The following ARVCF variants were observed in gnomAD, a reference collection of about 807,000 sequenced individuals.
ARVCF encodes splicing regulator ARVCF.
ARVCF carries 66 observed loss-of-function variants against 90.9 expected under a neutral mutation model. The ratio of observed to expected loss-of-function variants is 0.73; its 90% confidence interval spans 0.60 to 0.89. The LOEUF is 0.89. ARVCF is among the 40% of genes least tolerant of loss of function. The pLI is 0.00. For synonymous variants in ARVCF, 653 were observed against 603.4 expected (o/e 1.08, Z -1.21); for missense variants, 1,469 against 1,382.3 (o/e 1.06, Z -1.00).
chr22:20,004,294 G>A (rs1432981918), intron 2 of ARVCF, among the ~76,000 whole-genome samples: 1 of 152,078 alleles, frequency 6.6e-6, no homozygotes, highest in African/African-American at 2.4e-5. Flanking sequence ...CGATACTACT[G>A]AAAGGGATCT....
At position 19,979,675 on chromosome 22, in the gene ARVCF, T is replaced by G; in HGVS notation, c.1396+68A>C. On this transcript the variant is annotated intron_variant, in intron 6 of 19. Transcript: ENST00000263207. ...GGCGGTCGCAGGCCGAGTGGCCTCG[T>G]TCCTCCCGGGTTGAGCCTCACACTC... 3.3e-6 allele frequency: 5 copies of G among 1,495,466 alleles called. No homozygotes were observed. The Admixed American group carries it at 6.2e-5, about 19-fold the overall frequency. 92.6% of individuals were successfully genotyped at this position (1,495,466 alleles called of 1,614,324 possible).
chr22:19,973,239 T>A lies in ARVCF; in HGVS notation c.2318A>T (p.Glu773Val). Reference protein sequence around the residue: ...APPRPGACLEEDTVVAVLNTI... With the variant: ...APPRPGACLEVDTVVAVLNTI... ...GTTGAGCACCGCCACCACGGTGTCT[T>A]CCTCCAGGCAGGCCCCCGGTCGCGG... Residue 773 changes from glutamate to valine, a missense_variant, in exon 14 of 20, where the codon GAA becomes GTA. By Grantham distance (121) the Glu-to-Val change is moderately radical. Transcript: ENST00000263207. 6.2e-7 allele frequency: 1 copy of A among 1,610,818 alleles called. No homozygotes were observed. The highest frequency in any genetic ancestry group is 8.5e-7 in the Non-Finnish European group (1 of 1,179,294).
chr22:19,982,983 CTG>C (rs1393398190), intron 3 of ARVCF, among the ~76,000 whole-genome samples: 3 of 152,236 alleles, frequency 2.0e-5, no homozygotes, highest in Non-Finnish European at 4.4e-5. Context: ...AGTGGGGAAA[CTG>C]AGGCTCAAAG....
chr22:19,979,636 CG>C, intron 6 of ARVCF, 106 bp downstream of exon 6: 1 of 1,441,410 alleles, frequency 6.9e-7, no homozygotes, highest in African/African-American at 1.4e-5. Flanking sequence ...TCCTGCCTAC[CG>C]GGTGCTTTCC....
chr22:20,007,732 C>A (rs1410082857), intron 2 of ARVCF, among the ~76,000 whole-genome samples: 1 of 152,228 alleles, frequency 6.6e-6, no homozygotes. Context: ...CCTTCTGCCA[C>A]CTCCTGGGGG....
chr22:19,980,342 A>C, intron 5 of ARVCF, 100 bp from the exon 6 acceptor site: 1 of 1,428,328 alleles, frequency 7.0e-7, no homozygotes, highest in Non-Finnish European at 9.1e-7. Flanking sequence ...AAACTCACCC[A>C]GCAGCGCTGG....
At chr22:19,996,619 G>C (rs1944262583) in intron 2 of ARVCF, among the ~76,000 whole-genome samples, 1 of 152,180 alleles carries the variant, frequency 6.6e-6, no homozygotes, top group African/African-American at 2.4e-5. Flanking sequence ...CAGCCCATTA[G>C]GTGCTCTCAT....
chr22:20,011,989 C>T (rs1601691203), intron 1 of ARVCF, among the ~76,000 whole-genome samples: 4 of 152,182 alleles, frequency 2.6e-5, no homozygotes, highest in African/African-American at 9.6e-5. Flanking sequence ...GCTATATACC[C>T]CATTTTACAC....
Position 20,004,306 on chromosome 22 carries a change from C to A in ARVCF, c.-19+6149G>T, listed in dbSNP as rs1601671243. On this transcript the variant is annotated intron_variant, in intron 2 of 19. Coordinates refer to ENST00000263207, the MANE Select transcript of ARVCF (RefSeq NM_001670.3). Reference sequence around the variant, plus strand: ...TGACGATACTACTGAAAGGGATCTACAGATTCAGTGCAATTCCTATTAAAA... The same window carrying A: ...TGACGATACTACTGAAAGGGATCTAAAGATTCAGTGCAATTCCTATTAAAA... Among the ~76,000 whole-genome samples the A allele has an allele frequency of 2.0e-5, 3 of 152,066 alleles. No individual in the cohort carries two copies. The South Asian group carries it at 6.2e-4, about 31-fold the overall frequency.
intron 15 of ARVCF, 42 bp downstream of exon 15, chr22:19,972,883 C>A (rs753636409): frequency 4.3e-6 from 7 of 1,613,688 alleles, no homozygotes; most frequent in South Asian, 1.1e-5. Context: ...GGGAATAAGG[C>A]AAAGTGAGCA....
Position 19,980,204 on chromosome 22 carries a change from G to A in ARVCF, c.935C>T (p.Ala312Val), listed in dbSNP as rs762956414. Residue 312 changes from alanine (A) to valine (V), a missense_variant, in exon 6 of 20, where the codon GCG (alanine) becomes GTG (valine). Coordinates refer to ENST00000263207, the MANE Select transcript of ARVCF (RefSeq NM_001670.3). Reference protein sequence around the residue: ...EDTADDGGELADERPAFPMVT... With the variant: ...EDTADDGGELVDERPAFPMVT... The stretch of plus-strand genomic sequence containing the variant: ...CATTGGGAACGCAGGCCGCTCGTCC[G>A]CCAGCTCGCCGCCATCATCTGCTGT... 14 of 1,544,348 alleles carry A rather than the reference G, an allele frequency of 9.1e-6. No individual in the cohort carries two copies. In the Admixed American group the frequency reaches 1.3e-4, roughly 15 times the overall value.
chr22:20,000,456 A>C (rs1020063358), intron 2 of ARVCF, among the ~76,000 whole-genome samples: 12 of 152,114 alleles, frequency 7.9e-5, no homozygotes, highest in African/African-American at 2.9e-4. Context: ...GGGCTGCACC[A>C]CCCCATCCAG....
Position 19,973,170 on chromosome 22 carries a change from G to A in ARVCF, c.2387C>T (p.Ser796Leu), listed in dbSNP as rs751843457. 6.2e-6 allele frequency: 10 copies of A among 1,610,376 alleles called. No individual in the cohort carries two copies. Among genetic ancestry groups the A allele is most frequent in the Admixed American group, 3.4e-5 (2 of 59,654 alleles). Residue 796 changes from serine to leucine, a missense_variant, in exon 14 of 20, where the codon TCG (serine) becomes TTG (leucine). By Grantham distance (145) the Ser-to-Leu change is moderately radical. Coordinates refer to ENST00000263207, the MANE Select transcript of ARVCF (RefSeq NM_001670.3). ...IVSDSLDNAR[S>L]LLQARGVPAL... is the part of the protein sequence containing the mutation. ...TGGCACCCCGCGTGCCTGCAGGAGC[G>A]AGCGCGCGTTATCCAGGCTGTCGGA...
Position 19,981,946 on chromosome 22 carries a change from C to T in ARVCF, c.356G>A (p.Arg119His), listed in dbSNP as rs181094016. ...GCCTGGCCATACCTTGGTCTCGGTG[C>T]GCCGGGTTGTGCCATCTTCGGATGT... Reference protein sequence around the residue: ...IVTSEDGTTRRTETKVTKTVK... With the variant: ...IVTSEDGTTRHTETKVTKTVK... Residue 119 changes from arginine (R) to histidine (H), a missense_variant, in exon 4 of 20, where the codon CGC becomes CAC. Transcript: ENST00000263207. 3.4e-5 allele frequency: 54 copies of T among 1,597,776 alleles called. 1 individual carries two copies. The South Asian group carries it at 3.4e-4, about 10-fold the overall frequency.
intron 3 of ARVCF, among the ~76,000 whole-genome samples, chr22:19,984,853 A>G (rs1374636378): frequency 6.6e-6 from 1 of 152,198 alleles, no homozygotes; most frequent in Non-Finnish European, 1.5e-5. Context: ...CCACTCTGGG[A>G]GTCTCAGAGC....
Position 19,976,728 on chromosome 22 carries a change from G to A in ARVCF, c.1871-5C>T, listed in dbSNP as rs1405700596. Reference sequence around the variant, plus strand: ...CACCTTGGTGGAACCACTCCTCTGGGAGGCCGGAGGAAGCAGAGGAGAGAG... The same window carrying A: ...CACCTTGGTGGAACCACTCCTCTGGAAGGCCGGAGGAAGCAGAGGAGAGAG... On this transcript the variant is annotated splice_region_variant and splice_polypyrimidine_tract_variant and intron_variant, in intron 9 of 19. Transcript: ENST00000263207. The A allele has an allele frequency of 2.6e-6, 4 of 1,560,344 alleles. No individual in the cohort carries two copies. The South Asian group carries it at 3.5e-5, about 14-fold the overall frequency.
At chr22:19,977,861 C>A (rs1943248637) in intron 8 of ARVCF, 97 bp downstream of exon 8, 2 of 1,374,114 alleles carry the variant, frequency 1.5e-6, no homozygotes, top group East Asian at 2.4e-5. Context: ...GACCCACAAG[C>A]CCATTCCCCT....
Position 19,978,920 on chromosome 22 carries a change from G to A in ARVCF, c.1557C>T (p.Phe519=), listed in dbSNP as rs766259953. The part of the protein sequence containing the change: ...KPRDAEWTTV[F]KNTSGCLRNV... ...ACCTCAGGCAGCCCGACGTGTTCTTGAAGACAGTTGTCCACTCGGCGTCCC... is the reference window on the plus strand; with the variant it reads ...ACCTCAGGCAGCCCGACGTGTTCTTAAAGACAGTTGTCCACTCGGCGTCCC... Residue 519 remains phenylalanine, a synonymous_variant, in exon 7 of 20, where the codon TTC becomes TTT. Transcript: ENST00000263207. The A allele has an allele frequency of 6.2e-7, 1 of 1,612,592 alleles. No homozygotes were observed. Among genetic ancestry groups the A allele is most frequent in the Non-Finnish European group, 8.5e-7 (1 of 1,179,466 alleles).
intron 2 of ARVCF, among the ~76,000 whole-genome samples, chr22:20,000,531 G>C (rs1601661588): frequency 6.6e-6 from 1 of 152,294 alleles, no homozygotes; most frequent in East Asian, 1.9e-4. Context: ...AGAGCCTCGG[G>C]ACTTGACTGT....
Sources: gnomAD v4.1 joint callset for allele counts (sites outside exome capture counted in the v4.1 genomes callset) on GRCh38, gnomAD v4.1.1 for gene constraint, MANE v1.5 for transcripts, NCBI Gene and HGNC (gene_info 2026-07-23, HGNC 2026-07-21) for gene names.